The following LRIG1 variants were observed in gnomAD, a reference collection of about 807,000 sequenced individuals.
The protein encoded by LRIG1 is leucine rich repeats and immunoglobulin like domains 1.
LRIG1 carries 48 observed loss-of-function variants against 99.2 expected under a neutral mutation model. The ratio of observed to expected loss-of-function variants is 0.48; its 90% confidence interval spans 0.38 to 0.62. The LOEUF (loss-of-function observed/expected upper bound fraction) is 0.62. Ranked by LOEUF, LRIG1 falls within the 20% of genes least tolerant of loss-of-function variation. The pLI is 0.00. For synonymous variants in LRIG1, 772 were observed against 596.1 expected (o/e 1.29, Z -4.30); for missense variants, 1,646 against 1,434.4 (o/e 1.15, Z -2.38).
intron 1 of LRIG1, among the ~76,000 whole-genome samples, chr3:66,482,962 TTTC>T (rs1054051564): frequency 6.6e-6 from 1 of 152,204 alleles, no homozygotes; most frequent in Non-Finnish European, 1.5e-5. Context: ...TCTTTTGTAC[TTTC>T]TTCTTTATTC....
At chr3:66,443,371 T>TGAGTGAGGGGGG (rs1703611742) in intron 3 of LRIG1, among the ~76,000 whole-genome samples, 1 of 138,436 alleles carries the variant, frequency 7.2e-6, no homozygotes, top group African/African-American at 3.0e-5. Context: ...AGTGAGGGGG[T>TGAGTGAGGGGGG]GTGTGTGTGC....
intron 11 of LRIG1, among the ~76,000 whole-genome samples, chr3:66,395,532 A>C (rs1170811656): frequency 6.6e-6 from 1 of 152,240 alleles, no homozygotes; most frequent in African/African-American, 2.4e-5. Flanking sequence ...GTGCTTTTCC[A>C]AAAACAGAAA....
At chr3:66,428,226 G>T (rs558158320) in intron 3 of LRIG1, among the ~76,000 whole-genome samples, 21 of 152,250 alleles carry the variant, frequency 1.4e-4, no homozygotes, top group Non-Finnish European at 2.4e-4. Context: ...GACACTGGTA[G>T]TTTTCTTTTA....
rs577691406 is a variant in LRIG1 at position 66,409,902 on chromosome 3, C to A, written c.935+227G>T. 7 of 462,964 alleles carry A rather than the reference C, an allele frequency of 1.5e-5. No homozygotes were observed. The Admixed American group carries it at 1.6e-4, about 10-fold the overall frequency. 28.7% of individuals were successfully genotyped at this position (462,964 alleles called of 1,614,324 possible). On this transcript the variant is annotated intron_variant, in intron 7 of 18. Coordinates refer to ENST00000273261, the MANE Select transcript of LRIG1 (RefSeq NM_015541.3). Reference sequence around the variant, plus strand: ...AGGGACCTAGCTGCTACTCCTGGAGCCCCTGCTAATCCAAATGCAGAGGAA... The same window carrying A: ...AGGGACCTAGCTGCTACTCCTGGAGACCCTGCTAATCCAAATGCAGAGGAA...
At chr3:66,497,870 T>C (rs1329302409) in intron 1 of LRIG1, among the ~76,000 whole-genome samples, 2 of 152,168 alleles carry the variant, frequency 1.3e-5, no homozygotes, top group Non-Finnish European at 2.9e-5. Context: ...GCGTGTAAAC[T>C]TGGTGAAACT....
Position 66,500,462 on chromosome 3 carries a change from G to C in LRIG1, c.-55C>G. 1 of 1,113,794 alleles carries C rather than the reference G, an allele frequency of 9.0e-7. No homozygotes were observed. The highest frequency in any genetic ancestry group is 1.2e-6 in the Non-Finnish European group (1 of 855,928). The allele number at this position is 1,113,794 out of a possible 1,614,324, so 69.0% of individuals were successfully genotyped here. ...CGCGGGGACTGTGAGGACCCGAACG[G>C]CCGCAGACGCGGGCGGGCCCGCGGG... On this transcript the variant is annotated 5_prime_UTR_variant, in exon 1 of 19. Coordinates refer to ENST00000273261, the MANE Select transcript of LRIG1 (RefSeq NM_015541.3).
intron 4 of LRIG1, 121 bp from the exon 5 acceptor site, chr3:66,415,184 T>C: frequency 1.0e-6 from 1 of 971,886 alleles, no homozygotes; most frequent in Non-Finnish European, 1.5e-6. Context: ...GAGGGACAGG[T>C]TTCCAGTGAG....
intron 1 of LRIG1, among the ~76,000 whole-genome samples, chr3:66,474,952 A>T (rs950805033): frequency 6.6e-6 from 1 of 152,168 alleles, no homozygotes; most frequent in African/African-American, 2.4e-5. Context: ...TCTAAGAAAC[A>T]CCATGTGTAC....
chr3:66,458,303 T>C (rs780145721), intron 2 of LRIG1, among the ~76,000 whole-genome samples: 4 of 152,172 alleles, frequency 2.6e-5, no homozygotes, highest in Non-Finnish European at 5.9e-5. Flanking sequence ...AGACAGGGTC[T>C]CACTTTGTTG....
At chr3:66,498,667 T>C (rs1346500514) in intron 1 of LRIG1, among the ~76,000 whole-genome samples, 2 of 151,066 alleles carry the variant, frequency 1.3e-5, no homozygotes, top group Admixed American at 6.6e-5. Flanking sequence ...CTCCCAGTAC[T>C]TCACAAAAGC....
intron 1 of LRIG1, among the ~76,000 whole-genome samples, chr3:66,486,666 C>T (rs1700981804): frequency 6.6e-6 from 1 of 152,216 alleles, no homozygotes; most frequent in African/African-American, 2.4e-5. Context: ...AAAAGGGTCA[C>T]AATAAGTAAG....
chr3:66,393,088 T>G (rs1320060067), intron 12 of LRIG1, among the ~76,000 whole-genome samples: 1 of 152,158 alleles, frequency 6.6e-6, no homozygotes, highest in Non-Finnish European at 1.5e-5. Context: ...ACACACATCT[T>G]GCCTCCAGCA....
At chr3:66,421,305 G>C (rs562871212) in intron 3 of LRIG1, among the ~76,000 whole-genome samples, 48 of 152,320 alleles carry the variant, frequency 3.2e-4, no homozygotes, top group African/African-American at 1.1e-3. Flanking sequence ...ACAGTCCAAA[G>C]TCTCTTCTGA....
chr3:66,419,776 G>A (rs1343730749), intron 3 of LRIG1, among the ~76,000 whole-genome samples: 1 of 152,042 alleles, frequency 6.6e-6, no homozygotes, highest in East Asian at 1.9e-4. Flanking sequence ...CAAAGCTGCT[G>A]GCCTCTCCCC....
intron 2 of LRIG1, among the ~76,000 whole-genome samples, chr3:66,452,062 C>G (rs1390251281): frequency 6.6e-6 from 1 of 152,154 alleles, no homozygotes; most frequent in Non-Finnish European, 1.5e-5. Context: ...CCCTGGCTCA[C>G]ATGGAGTTCT....
intron 9 of LRIG1, among the ~76,000 whole-genome samples, chr3:66,400,749 T>A (rs545581297): frequency 1.3e-5 from 2 of 152,284 alleles, no homozygotes; most frequent in African/African-American, 4.8e-5. Flanking sequence ...AAAGGAAATA[T>A]AAGCCCTGAA....
At position 66,499,152 on chromosome 3, in the gene LRIG1, T is replaced by G. The variant is rs117484469; in HGVS notation, c.218+1038A>C. Among the ~76,000 whole-genome samples the G allele has an allele frequency of 2.0e-3, 303 of 152,366 alleles. 11 individuals carry two copies. The East Asian group carries it at 0.05, about 25-fold the overall frequency. On this transcript the variant is annotated intron_variant, in intron 1 of 18. Transcript: ENST00000273261. The stretch of plus-strand genomic sequence containing the variant: ...CCATAACTGAACGGGATTTGACTCA[T>G]GCACCAGATTTGTTAGAAGTAAAAG...
At chr3:66,414,083 A>C in intron 5 of LRIG1, among the ~76,000 whole-genome samples, 1 of 152,188 alleles carries the variant, frequency 6.6e-6, no homozygotes, top group Non-Finnish European at 1.5e-5. Context: ...TCAGTAAACT[A>C]AACAATTAAA....
At chr3:66,466,263 G>C (rs552816114) in intron 1 of LRIG1, among the ~76,000 whole-genome samples, 25 of 152,082 alleles carry the variant, frequency 1.6e-4, no homozygotes, top group African/African-American at 5.8e-4. Flanking sequence ...GGCTAGTCTT[G>C]AACTCCTGGC....
Sources: gnomAD v4.1 joint callset for allele counts (sites outside exome capture counted in the v4.1 genomes callset) on GRCh38, gnomAD v4.1.1 for gene constraint, MANE v1.5 for transcripts, NCBI Gene and HGNC (gene_info 2026-07-23, HGNC 2026-07-21) for gene names.